Variants in SRGAP3 observed in about 807,000 individuals in gnomAD.
SRGAP3 encodes the protein SLIT-ROBO Rho GTPase activating protein 3.
In SRGAP3, 39 loss-of-function variants were observed where a neutral mutation model predicts 121.1. The ratio of observed to expected loss-of-function variants is 0.32; its 90% confidence interval spans 0.25 to 0.42. The LOEUF is 0.42. Among genes scored for constraint, SRGAP3 ranks in the 10% least tolerant of loss-of-function variants. SRGAP3 has a pLI of 1.00. For missense variants in SRGAP3, 1,213 were observed against 1,470.6 expected (o/e 0.82, Z 2.86); for synonymous variants, 601 against 570.0 (o/e 1.05, Z -0.77).
intron 3 of SRGAP3, among the ~76,000 whole-genome samples, chr3:9,258,452 T>C (rs1281649545): frequency 6.6e-6 from 1 of 152,152 alleles, no homozygotes; most frequent in Non-Finnish European, 1.5e-5. Flanking sequence ...CGGAGTTTCA[T>C]CTGGGTTCCC....
In SRGAP3 at chr3:9,025,244, G is replaced by C. The variant is rs764220732; in HGVS notation, c.1678+17C>G. ...CTTCCCCTGGCCACAAGCCTAAGAT[G>C]GTCGCTCTGCACCCACCTCTCTCAA... On this transcript the variant is annotated intron_variant, in intron 14 of 21. Coordinates refer to ENST00000383836, the MANE Select transcript of SRGAP3 (RefSeq NM_014850.4). 1 of 1,613,792 alleles carries C rather than the reference G, an allele frequency of 6.2e-7. No individual in the cohort carries two copies. The highest frequency in any genetic ancestry group is 1.1e-5 in the South Asian group (1 of 91,064).
At chr3:9,027,408 T>C (rs576717939) in intron 12 of SRGAP3, among the ~76,000 whole-genome samples, 1 of 152,268 alleles carries the variant, frequency 6.6e-6, no homozygotes, top group Non-Finnish European at 1.5e-5. Context: ...CTCATCCTAT[T>C]ACTGCAGTAC....
chr3:9,064,287 C>T, intron 5 of SRGAP3, 109 bp downstream of exon 5: 1 of 1,458,038 alleles, frequency 6.9e-7, no homozygotes, highest in Non-Finnish European at 9.4e-7. Flanking sequence ...ACCACCACCC[C>T]ACTGGGATGC....
intron 3 of SRGAP3, among the ~76,000 whole-genome samples, chr3:9,098,278 T>TGTTTTAATTA (rs1948070640): frequency 6.6e-6 from 1 of 152,224 alleles, no homozygotes; most frequent in South Asian, 2.1e-4. Context: ...TACTTCACTT[T>TGTTTTAATTA]GTTTTAATTA....
chr3:9,126,226 CTG>C (rs1179103805), intron 1 of SRGAP3, among the ~76,000 whole-genome samples: 1 of 152,186 alleles, frequency 6.6e-6, no homozygotes, highest in Non-Finnish European at 1.5e-5. Flanking sequence ...CACAATGGTC[CTG>C]TTCTCTCTTT....
chr3:9,124,640 C>G (rs1949148870), intron 2 of SRGAP3, 85 bp downstream of exon 2: 18 of 1,568,016 alleles, frequency 1.1e-5, no homozygotes, highest in Non-Finnish European at 1.6e-5. Flanking sequence ...ATGAAGCTGG[C>G]TGGCCTCCTT....
intron 6 of SRGAP3, 152 bp from the exon 7 acceptor site, chr3:9,058,624 A>G: frequency 2.6e-6 from 2 of 756,684 alleles, no homozygotes; most frequent in Non-Finnish European, 4.4e-6. Flanking sequence ...CCTACTGCAC[A>G]AACCTCACGG....
Position 8,985,683 on chromosome 3 carries a change from G to A in SRGAP3, c.3136C>T (p.Arg1046Cys), listed in dbSNP as rs1423558649. Reference protein sequence around the residue: ...MTTFKPALSARLAGAQLRPPP... With the variant: ...MTTFKPALSACLAGAQLRPPP... ...GGGCGGAGCTGGGCGCCAGCCAGGC[G>A]GGCGGACAGGGCTGGCTTGAAGGTG... The change falls in exon 22 of 22, where the codon CGC becomes TGC. Residue 1046 changes from arginine (R) to cysteine (C), a missense_variant. Arg to Cys is a radical substitution (Grantham distance 180, BLOSUM62 -3). This residue lies in a region of SRGAP3 where 420 missense variants were observed against 437.7 expected (regional missense o/e 0.96). Coordinates refer to ENST00000383836, the MANE Select transcript of SRGAP3 (RefSeq NM_014850.4). The surrounding 1 kb of genome is among the most constrained non-coding windows in gnomAD (Gnocchi z 5.1). 6.3e-7 allele frequency: 1 copy of A among 1,596,120 alleles called. No individual in the cohort carries two copies. The highest frequency in any genetic ancestry group is 8.5e-7 in the Non-Finnish European group (1 of 1,178,782).
intron 14 of SRGAP3, among the ~76,000 whole-genome samples, chr3:9,016,156 T>C (rs1262935274): frequency 1.3e-5 from 2 of 152,220 alleles, no homozygotes; most frequent in Non-Finnish European, 2.9e-5. Flanking sequence ...CTAAGAAAAT[T>C]AACCATTCAA....
intron 1 of SRGAP3, chr3:9,192,539 A>G (rs919114904): frequency 2.0e-5 from 3 of 152,284 alleles, no homozygotes; most frequent in African/African-American, 7.2e-5. Flanking sequence ...GGGAGAGTTC[A>G]GTGCTATCCA....
intron 1 of SRGAP3, among the ~76,000 whole-genome samples, chr3:9,333,514 C>G (rs1955642906): frequency 6.6e-6 from 1 of 152,152 alleles, no homozygotes; most frequent in Admixed American, 6.6e-5. Context: ...CCGCTCCTTT[C>G]TGCCTTACCT....
chr3:9,326,833 A>T (rs1955528055), intron 2 of SRGAP3, among the ~76,000 whole-genome samples: 1 of 151,812 alleles, frequency 6.6e-6, no homozygotes, highest in South Asian at 2.1e-4. Context: ...ACGTTACCAT[A>T]AGTCATTCAT....
intron 1 of SRGAP3, among the ~76,000 whole-genome samples, chr3:9,349,421 C>G (rs2029939339): frequency 6.6e-6 from 1 of 152,244 alleles, no homozygotes; most frequent in African/African-American, 2.4e-5. Flanking sequence ...CTTCTCAGCC[C>G]AAGCTGTGGA....
At chr3:9,319,068 T>C (rs897476114) in intron 3 of SRGAP3, among the ~76,000 whole-genome samples, 5 of 151,872 alleles carry the variant, frequency 3.3e-5, no homozygotes, top group African/African-American at 1.2e-4. Flanking sequence ...TTTAAATACA[T>C]ACACACACAT....
chr3:9,322,834 C>A (rs756463425), intron 3 of SRGAP3, among the ~76,000 whole-genome samples: 2 of 151,804 alleles, frequency 1.3e-5, no homozygotes, highest in African/African-American at 2.4e-5. Flanking sequence ...GCCCAGCAAT[C>A]CCATTCCTCA....
chr3:8,995,541 C>T (rs1002286107), intron 18 of SRGAP3, among the ~76,000 whole-genome samples: 2 of 152,088 alleles, frequency 1.3e-5, no homozygotes, highest in Non-Finnish European at 2.9e-5. Context: ...ATGAGGTATT[C>T]GGTTGACAGC....
At chr3:9,176,946 A>C (rs1295258424) in intron 1 of SRGAP3, among the ~76,000 whole-genome samples, 2 of 152,210 alleles carry the variant, frequency 1.3e-5, no homozygotes, top group Admixed American at 1.3e-4. Context: ...AAAAGACAGA[A>C]ACCTAAGTCA....
chr3:8,987,001 GC>G (rs1286469786), intron 21 of SRGAP3, among the ~76,000 whole-genome samples: 4 of 152,226 alleles, frequency 2.6e-5, no homozygotes, highest in African/African-American at 9.6e-5. Context: ...CCTGGGACAG[GC>G]CACAGGGCCC....
chr3:9,181,799 T>G (rs944159139), intron 1 of SRGAP3, among the ~76,000 whole-genome samples: 2 of 152,224 alleles, frequency 1.3e-5, no homozygotes, highest in Non-Finnish European at 1.5e-5. Context: ...TTAAAATTGT[T>G]ACAGGTTGAA....
Sources: allele counts gnomAD v4.1 joint callset (sites outside exome capture counted in the v4.1 genomes callset), GRCh38; gene constraint gnomAD v4.1.1; regional missense constraint gnomAD v4.1.1; non-coding constraint Gnocchi (gnomAD v3.1); transcripts MANE v1.5; gene names NCBI Gene and HGNC (gene_info 2026-07-23, HGNC 2026-07-21).